Variants in VPS16 observed in about 807,000 individuals in gnomAD.
VPS16 encodes the protein VPS16 core subunit of CORVET and HOPS complexes.
In VPS16, 82 loss-of-function variants were observed where a neutral mutation model predicts 116.0. That is an observed-to-expected ratio of 0.71 (90% confidence interval 0.59 to 0.85). VPS16 has a LOEUF of 0.85. Ranked by LOEUF, VPS16 falls within the 40% of genes least tolerant of loss-of-function variation. VPS16 has a pLI of 0.00. For missense variants in VPS16, 928 were observed against 1,090.6 expected, an observed-to-expected ratio of 0.85 and a Z score of 2.10; for synonymous variants, 406 against 420.7, an observed-to-expected ratio of 0.96 and a Z score of 0.43.
Position 2,851,662 on chromosome 20 carries a change from CA to C in VPS16, c.54-8045del, listed in dbSNP as rs111648973. 7.2e-3 allele frequency among the ~76,000 whole-genome samples: 880 copies of C among 122,558 alleles called. 10 individuals are homozygous for C. Among genetic ancestry groups the C allele is most frequent in the African/African-American group, 0.022 (789 of 35,324 alleles). 80.4% of individuals were successfully genotyped at this position (122,558 alleles called of 152,430 possible). ...GGGCAACAAGAGCAAAACTCCGTCT[CA>C]AAAAAAAAAAACAAAAAACACACAG... On this transcript the variant is annotated intron_variant, in intron 1 of 23. Coordinates refer to ENST00000380445, the MANE Select transcript of VPS16 (RefSeq NM_022575.4).
rs757817412 is a variant in VPS16, at chr20:2,860,434, G to A, written c.370-15G>A. ...GACCCTGTGGCTCCCTTAACCCATG[G>A]CCCCCTTTCCTCAGGAAGTGCTCCA... On this transcript the variant is annotated splice_polypyrimidine_tract_variant and intron_variant, in intron 4 of 23. Coordinates refer to ENST00000380445, the MANE Select transcript of VPS16 (RefSeq NM_022575.4). The surrounding 1 kb of genome is among the most constrained non-coding windows in gnomAD (Gnocchi z 6.1). 2.9e-5 allele frequency: 46 copies of A among 1,613,926 alleles called. No individual in the cohort carries two copies. The highest frequency in any genetic ancestry group is 1.6e-4 in the Middle Eastern group (1 of 6,082).
intron 1 of VPS16, among the ~76,000 whole-genome samples, chr20:2,853,641 C>T (rs562733969): frequency 6.6e-6 from 1 of 151,216 alleles, no homozygotes; most frequent in East Asian, 1.9e-4. Flanking sequence ...ATATTTTGAC[C>T]TCCTCTCATG....
Position 2,865,828 on chromosome 20 carries a change from G to A in VPS16, c.2271+333G>A. ...AGGGAGGGTGCATATGGGAGGCAGT[G>A]GAGATACTGAGGGCTGTTTTCTGTG... is the stretch of plus-strand genomic sequence containing the variant. On this transcript the variant is annotated intron_variant, in intron 22 of 23. Transcript: ENST00000380445. The surrounding 1 kb of genome is among the most constrained non-coding windows in gnomAD (Gnocchi z 5.2). 4.3e-6 allele frequency: 2 copies of A among 464,956 alleles called. No individual in the cohort carries two copies. The highest frequency in any genetic ancestry group is 4.8e-5 in the South Asian group (2 of 41,870). 28.8% of individuals were successfully genotyped at this position (464,956 alleles called of 1,614,324 possible). A position where few individuals can be genotyped will look rare whatever the true frequency, so the allele number is the denominator to read the frequency against.
chr20:2,861,292 G>T lies in VPS16; in HGVS notation c.809+12G>T, dbSNP rs772937663. On this transcript the variant is annotated intron_variant, in intron 8 of 23. Coordinates refer to ENST00000380445, the MANE Select transcript of VPS16 (RefSeq NM_022575.4). ...AAGCAGATGGTCTGGTAAGGATGGG[G>T]GTGTTATTGCTGGGGGTGTGGGTGA... The T allele has an allele frequency of 1.9e-6, 3 of 1,613,954 alleles. No homozygotes were observed. The East Asian group carries it at 6.7e-5, about 36-fold the overall frequency.
chr20:2,841,003 C>G (rs1276608028), intron 1 of VPS16, 176 bp downstream of exon 1: 2 of 615,918 alleles, frequency 3.2e-6, no homozygotes, highest in Non-Finnish European at 2.8e-6. Context: ...GCCGGGCCTT[C>G]CCCTGCTCCA....
rs563163530 is a variant in VPS16 at position 2,859,725 on chromosome 20, T to C, written c.60T>C (p.Tyr20=). The change falls in exon 2 of 24, where the codon TAT becomes TAC. Residue 20 remains tyrosine, a synonymous_variant. Transcript: ENST00000380445. ...PLGDSAFYRK[Y]ELYSMDWDLK... ...CTCATCTCTGTGTGGGCAGGAAATA[T>C]GAGCTGTACAGCATGGACTGGGACC... The C allele has an allele frequency of 2.7e-5, 44 of 1,611,736 alleles. No homozygotes were observed. The East Asian group carries it at 8.9e-4, about 33-fold the overall frequency.
chr20:2,862,898 G>A lies in VPS16; in HGVS notation c.1295G>A (p.Arg432Gln), dbSNP rs767569683. ...GACCTGCGTGTGCTCAATGCTGTTC[G>A]GGACTATCACATCGGGATCCCGCTC... ...CQDLRVLNAV[R>Q]DYHIGIPLTY... Residue 432 changes from arginine to glutamine, a missense_variant, in exon 13 of 24, where the codon CGG becomes CAG. Coordinates refer to ENST00000380445, the MANE Select transcript of VPS16 (RefSeq NM_022575.4). The A allele has an allele frequency of 5.6e-6, 9 of 1,613,976 alleles. No individual in the cohort carries two copies. Among genetic ancestry groups the A allele is most frequent in the South Asian group, 2.2e-5 (2 of 91,088 alleles).
At chr20:2,849,771 C>T (rs1679960229) in intron 1 of VPS16, among the ~76,000 whole-genome samples, 1 of 152,186 alleles carries the variant, frequency 6.6e-6, no homozygotes, top group Non-Finnish European at 1.5e-5. Context: ...TCATTACTGC[C>T]ACACTGGCAA....
In VPS16 at chr20:2,864,463, G is replaced by C; in HGVS notation, c.1818+1G>C. On this transcript the variant is annotated splice_donor_variant, in intron 18 of 23. Transcript: ENST00000380445. LOFTEE classifies it high-confidence loss of function. The surrounding 1 kb of genome is among the most constrained non-coding windows in gnomAD (Gnocchi z 5.2). ...CATGGCCCTCAGTTTGTACCGACAG[G>C]TGTGTGTAGTGGGCAGGGTTGTGGT... is the stretch of plus-strand genomic sequence containing the variant. 1 of 1,614,192 alleles carries C rather than the reference G, an allele frequency of 6.2e-7. No homozygotes were observed.
intron 1 of VPS16, among the ~76,000 whole-genome samples, chr20:2,854,238 T>TACACACACACACACACACACACAC (rs150363426): frequency 0.031 from 4,340 of 139,732 alleles, 101 homozygotes; most frequent in Admixed American, 0.049. Flanking sequence ...ACCCCGTCTC[T>TACACACACACACACACACACACAC]ACACACACAC....
intron 1 of VPS16, among the ~76,000 whole-genome samples, chr20:2,847,439 A>G (rs904172297): frequency 6.6e-6 from 1 of 150,684 alleles, no homozygotes; most frequent in Admixed American, 6.6e-5. Flanking sequence ...CTCATCCAGA[A>G]CTGCTCTACC....
intron 1 of VPS16, among the ~76,000 whole-genome samples, chr20:2,858,111 T>C (rs2089192441): frequency 6.6e-6 from 1 of 151,868 alleles, no homozygotes; most frequent in Non-Finnish European, 1.5e-5. Context: ...TTTTTTTTTT[T>C]TGAGACAGGG....
chr20:2,841,317 C>T (rs766940292), intron 1 of VPS16: 16 of 164,452 alleles, frequency 9.7e-5, no homozygotes, highest in Non-Finnish European at 1.5e-4. Context: ...TTGTAGAGTC[C>T]TAAACCACGG....
intron 1 of VPS16, among the ~76,000 whole-genome samples, chr20:2,852,401 G>GC (rs568036014): frequency 5.6e-4 from 85 of 152,210 alleles, no homozygotes; most frequent in Non-Finnish European, 1.1e-3. Context: ...GAGCTGAGAG[G>GC]CAATGCGTTG....
Position 2,865,199 on chromosome 20 carries a change from G to T in VPS16, c.2056G>T (p.Glu686Ter). ...LLRLQRRLEDELGGQFLDLSL... is the reference protein window; with the variant it reads ...LLRLQRRLED ...ACGGCTGCAGCGGCGCCTAGAAGACGAGCTGGGGGGCCAGTTCCTAGACCT... is the reference window on the plus strand; with the variant it reads ...ACGGCTGCAGCGGCGCCTAGAAGACTAGCTGGGGGGCCAGTTCCTAGACCT... The change falls in exon 21 of 24, where the codon GAG (glutamate) becomes TAG (stop). Residue 686 changes from glutamate (E) to a stop codon, truncating the protein, a stop_gained. Coordinates refer to ENST00000380445, the MANE Select transcript of VPS16 (RefSeq NM_022575.4). LOFTEE classifies it high-confidence loss of function. The surrounding 1 kb of genome is among the most constrained non-coding windows in gnomAD (Gnocchi z 5.2). The T allele has an allele frequency of 6.2e-7, 1 of 1,614,104 alleles. No homozygotes were observed. The highest frequency in any genetic ancestry group is 1.1e-5 in the South Asian group (1 of 91,084).
At chr20:2,861,182 T>G in intron 7 of VPS16, 43 bp from the exon 8 acceptor site, 1 of 1,614,178 alleles carries the variant, frequency 6.2e-7, no homozygotes, top group Non-Finnish European at 8.5e-7. Flanking sequence ...ACTAGAATGG[T>G]GACTGCTGGG....
intron 1 of VPS16, among the ~76,000 whole-genome samples, chr20:2,856,101 A>T (rs549741971): frequency 2.6e-5 from 4 of 152,306 alleles, no homozygotes; most frequent in African/African-American, 9.6e-5. Context: ...ATTTAAAGTG[A>T]GAGATTTGCC....
intron 1 of VPS16, among the ~76,000 whole-genome samples, chr20:2,847,929 C>A (rs969850761): frequency 6.6e-6 from 1 of 152,146 alleles, no homozygotes; most frequent in Non-Finnish European, 1.5e-5. Context: ...TAGATGTTTC[C>A]CTCTCTGCCC....
chr20:2,864,793 G>A lies in VPS16; in HGVS notation c.1926+139G>A. 1 of 1,160,884 alleles carries A rather than the reference G, an allele frequency of 8.6e-7. No homozygotes were observed. The allele number at this position is 1,160,884 out of a possible 1,614,324, so 71.9% of individuals were successfully genotyped here. ...ACTGTGAGGGAGACTCTGACGTGAG[G>A]CCAGGATGGGGGTTAGTGTCAGAGG... On this transcript the variant is annotated intron_variant, in intron 19 of 23. Transcript: ENST00000380445. This position sits in a 1 kb window ranked among gnomAD's most constrained non-coding sequence, Gnocchi z 5.2.
Sources: allele counts gnomAD v4.1 joint callset (sites outside exome capture counted in the v4.1 genomes callset), GRCh38; gene constraint gnomAD v4.1.1; non-coding constraint Gnocchi (gnomAD v3.1); transcripts MANE v1.5; gene names NCBI Gene and HGNC (gene_info 2026-07-23, HGNC 2026-07-21).